SIX5: variants seen among roughly 807,000 people sequenced by gnomAD.
The protein encoded by SIX5 is SIX homeobox 5.
SIX5 carries 21 observed loss-of-function variants against 37.1 expected under a neutral mutation model. The ratio of observed to expected loss-of-function variants is 0.57; its 90% CI spans 0.40 to 0.81. The LOEUF (loss-of-function observed/expected upper bound fraction) is 0.81. Among genes scored for constraint, SIX5 ranks in the 40% least tolerant of loss-of-function variants. The probability of loss-of-function intolerance (pLI) is 0.00; values close to 1 mark genes in which losing one functional copy is unlikely to be tolerated. For missense variants in SIX5, 1,137 were observed against 1,025.1 expected, an observed-to-expected ratio of 1.11 and a Z score of -1.49; for synonymous variants, 626 against 505.9, an observed-to-expected ratio of 1.24 and a Z score of -3.19.
Position 45,768,274 on chromosome 19 carries a change from TC to T in SIX5, c.570del (p.Lys191SerfsTer133). The T allele has an allele frequency of 1.2e-6, 2 of 1,612,654 alleles. No individual in the cohort carries two copies. Among genetic ancestry groups the T allele is most frequent in the Non-Finnish European group, 1.7e-6 (2 of 1,179,592 alleles). ...CAGATGGTCTTGGGCAGCGGGAACT[TC>T]TTGCGCAGTCGATACTTGTCCACTG... ...LGAVDKYRLR[K>X]KFPLPKTIWD... On this transcript the variant is annotated frameshift_variant, in exon 1 of 3. Coordinates refer to ENST00000317578, the MANE Select transcript of SIX5 (RefSeq NM_175875.5). LOFTEE classifies it high-confidence loss of function.
Position 45,767,024 on chromosome 19 carries a change from G to A in SIX5, c.935C>T (p.Pro312Leu), listed in dbSNP as rs1969092100. The change falls in exon 2 of 3, where the codon CCC (proline) becomes CTC (leucine). Residue 312 changes from proline (P) to leucine (L), a missense_variant. Physicochemically the swap from Pro to Leu is moderately conservative, Grantham distance 98. Coordinates refer to ENST00000317578, the MANE Select transcript of SIX5 (RefSeq NM_175875.5). ...GGAGGAGGAAGCCGGGCAAGGCGCG[G>A]GAGGGCCGGTCCCTGCCAGGAATAT... ...GSIFLAGTGP[P>L]APCPASSSIL... 1.2e-6 allele frequency: 2 copies of A among 1,608,852 alleles called. No individual in the cohort carries two copies. The highest frequency in any genetic ancestry group is 1.7e-6 in the Non-Finnish European group (2 of 1,178,998).
In SIX5 at chr19:45,766,690, C is replaced by A. The variant is rs889340468; in HGVS notation, c.1269G>T (p.Gly423=). The A allele has an allele frequency of 6.6e-7, 1 of 1,524,124 alleles. No homozygotes were observed. The highest frequency in any genetic ancestry group is 8.8e-7 in the Non-Finnish European group (1 of 1,135,892). The allele number at this position is 1,524,124 out of a possible 1,614,324, so 94.4% of individuals were successfully genotyped here. A position where few individuals can be genotyped will look rare whatever the true frequency, so the allele number is the denominator to read the frequency against. ...PGPALGEEVL[G]PLAQVVPGPP... Reference sequence around the variant, plus strand: ...GGCCAGGCACCACTTGGGCCAGGGGCCCCAGGACCTCCTCTCCAAGGGCTG... The same window carrying A: ...GGCCAGGCACCACTTGGGCCAGGGGACCCAGGACCTCCTCTCCAAGGGCTG... The change falls in exon 2 of 3, where the codon GGG becomes GGT. Residue 423 remains glycine, a synonymous_variant. Coordinates refer to ENST00000317578, the MANE Select transcript of SIX5 (RefSeq NM_175875.5).
chr19:45,766,055 G>T lies in SIX5; in HGVS notation c.1666C>A (p.Leu556Met), dbSNP rs2014377. 38 of 1,611,076 alleles carry T rather than the reference G, an allele frequency of 2.4e-5. No individual in the cohort carries two copies. The Admixed American group carries it at 3.9e-4, about 16-fold the overall frequency. ...SGSPIVTGVA[L>M]QQGKIILTAT... The stretch of plus-strand genomic sequence containing the variant: ...GTGAGGATGATCTTGCCCTGCTGCA[G>T]GGCCACACCCGTCACGATGGGGCTG... The change falls in exon 3 of 3, where the codon CTG becomes ATG. Residue 556 changes from leucine (L) to methionine (M), a missense_variant. This residue lies in a region of SIX5 where 787 missense variants were observed against 621.4 expected (regional missense o/e 1.27). Coordinates refer to ENST00000317578, the MANE Select transcript of SIX5 (RefSeq NM_175875.5).
In SIX5 at chr19:45,767,119, G is replaced by A; in HGVS notation, c.840C>T (p.Ser280=). Reference sequence around the variant, plus strand: ...TCTCCAGGTCCTCAGGACTTCGGCTGGACTCGTCCTCAGTCGTGGGATTCC... The same window carrying A: ...TCTCCAGGTCCTCAGGACTTCGGCTAGACTCGTCCTCAGTCGTGGGATTCC... ...SDGNPTTEDE[S]SRSPEDLERG... The change falls in exon 2 of 3, where the codon TCC becomes TCT. Residue 280 remains serine, a synonymous_variant. Coordinates refer to ENST00000317578, the MANE Select transcript of SIX5 (RefSeq NM_175875.5). 3 of 1,612,310 alleles carry A rather than the reference G, an allele frequency of 1.9e-6. No homozygotes were observed. Among genetic ancestry groups the A allele is most frequent in the Non-Finnish European group, 2.5e-6 (3 of 1,179,860 alleles).
In SIX5 at chr19:45,768,578, C is replaced by A; in HGVS notation, c.267G>T (p.Glu89Asp). The change falls in exon 1 of 3, where the codon GAG becomes GAT. Residue 89 changes from glutamate to aspartate, a missense_variant. Around this residue, in one of 3 missense-constraint regions of SIX5, gnomAD observed 331 missense variants for 360.9 expected, o/e 0.92. Coordinates refer to ENST00000317578, the MANE Select transcript of SIX5 (RefSeq NM_175875.5). ...GCGCCTCGCAGACGCACGCCACCTG[C>A]TCGGGCGAGAAGCGGAGGCCCGTGG... The part of the protein sequence containing the change: ...EPPTGLRFSP[E>D]QVACVCEALL... 2 of 1,366,852 alleles carry A rather than the reference C, an allele frequency of 1.5e-6. No individual in the cohort carries two copies. Among genetic ancestry groups the A allele is most frequent in the Non-Finnish European group, 1.9e-6 (2 of 1,069,056 alleles). 84.7% of individuals were successfully genotyped at this position (1,366,852 alleles called of 1,614,324 possible). A position where few individuals can be genotyped will look rare whatever the true frequency, so the allele number is the denominator to read the frequency against.
In SIX5 at chr19:45,766,790, G is replaced by A; in HGVS notation, c.1169C>T (p.Thr390Ile). ...AGCCTCCTCCAGCCGCACCTCCCCT[G>A]TCTGAGGGTCCAGGACCAGAGAGGT... The part of the protein sequence containing the change: ...TKTSLVLDPQ[T>I]GEVRLEEAQS... Residue 390 changes from threonine (T) to isoleucine (I), a missense_variant, in exon 2 of 3, where the codon ACA (threonine) becomes ATA (isoleucine). Physicochemically the swap from Thr to Ile is moderately conservative, Grantham distance 89. Coordinates refer to ENST00000317578, the MANE Select transcript of SIX5 (RefSeq NM_175875.5). The A allele has an allele frequency of 1.9e-6, 3 of 1,575,310 alleles. No homozygotes were observed. The highest frequency in any genetic ancestry group is 2.6e-6 in the Non-Finnish European group (3 of 1,163,702).
Position 45,765,315 on chromosome 19 carries a change from G to A in SIX5, c.*186C>T. The A allele has an allele frequency of 2.5e-6, 2 of 788,150 alleles. No homozygotes were observed. The highest frequency in any genetic ancestry group is 4.3e-6 in the Non-Finnish European group (2 of 460,918). The allele number at this position is 788,150 out of a possible 1,614,324, so 48.8% of individuals were successfully genotyped here. A position where few individuals can be genotyped will look rare whatever the true frequency, so the allele number is the denominator to read the frequency against. The stretch of plus-strand genomic sequence containing the variant: ...AGAGGCCTCCCATCCAAAGGGGGAT[G>A]GAGACCTGGACAGGAGGTGGCCGGG... On this transcript the variant is annotated 3_prime_UTR_variant, in exon 3 of 3. Coordinates refer to ENST00000317578, the MANE Select transcript of SIX5 (RefSeq NM_175875.5).
At position 45,765,360 on chromosome 19, in the gene SIX5, C is replaced by T. The variant is rs962374755; in HGVS notation, c.*141G>A. The T allele has an allele frequency of 2.5e-6, 3 of 1,224,270 alleles. No individual in the cohort carries two copies. Among genetic ancestry groups the T allele is most frequent in the Non-Finnish European group, 1.2e-6 (1 of 839,586 alleles). The allele number at this position is 1,224,270 out of a possible 1,614,324, so 75.8% of individuals were successfully genotyped here. A position where few individuals can be genotyped will look rare whatever the true frequency, so the allele number is the denominator to read the frequency against. ...GCCGGGGATACAACCCCCAGCACCACCAGGGCTTGGAGAGGCCACCCAGGC... is the reference window on the plus strand; with the variant it reads ...GCCGGGGATACAACCCCCAGCACCATCAGGGCTTGGAGAGGCCACCCAGGC... On this transcript the variant is annotated 3_prime_UTR_variant, in exon 3 of 3. Transcript: ENST00000317578.
rs993797353 is a variant in SIX5, at chr19:45,765,000, G to A, written c.*501C>T. ...TCTCCCCACAGCTGCCCCACCCCCC[G>A]CCCCTGGCAGGAAATGCCACACTGG... On this transcript the variant is annotated 3_prime_UTR_variant, in exon 3 of 3. Coordinates refer to ENST00000317578, the MANE Select transcript of SIX5 (RefSeq NM_175875.5). The A allele has an allele frequency of 5.8e-5, 12 of 206,024 alleles. No individual in the cohort carries two copies. The highest frequency in any genetic ancestry group is 1.7e-4 in the South Asian group (2 of 11,480). 12.8% of individuals were successfully genotyped at this position (206,024 alleles called of 1,614,324 possible).
Position 45,766,517 on chromosome 19 carries a change from G to C in SIX5, c.1442C>G (p.Thr481Ser). The C allele has an allele frequency of 2.0e-6, 3 of 1,505,470 alleles. No homozygotes were observed. The highest frequency in any genetic ancestry group is 1.8e-6 in the Non-Finnish European group (2 of 1,120,200). 93.3% of individuals were successfully genotyped at this position (1,505,470 alleles called of 1,614,324 possible). Residue 481 changes from threonine to serine, a missense_variant, in exon 2 of 3, where the codon ACC (threonine) becomes AGC (serine). By Grantham distance (58) the Thr-to-Ser change is moderately conservative (BLOSUM62 1). Coordinates refer to ENST00000317578, the MANE Select transcript of SIX5 (RefSeq NM_175875.5). Reference protein sequence around the residue: ...PLLNLPQVVPTSQVVTLPQAV... With the variant: ...PLLNLPQVVPSSQVVTLPQAV... ...CTGGGGCAGGGTCACCACCTGTGAG[G>C]TGGGTACTACCTGGGGCAGGTTCAA...
intron 1 of SIX5, 56 bp from the exon 2 acceptor site, chr19:45,767,211 T>TAGCCAGCCAGCTGCTCCCCCAC: frequency 6.4e-7 from 1 of 1,557,924 alleles, no homozygotes; most frequent in South Asian, 1.1e-5. Context: ...GCCTCCCGCA[T>TAGCCAGCCAGCTGCTCCCCCAC]AGCCAGCCAG....
intron 1 of SIX5, 180 bp downstream of exon 1, chr19:45,767,862 G>A (rs1036897891): frequency 4.9e-6 from 3 of 617,290 alleles, no homozygotes; most frequent in Non-Finnish European, 8.4e-6. Flanking sequence ...GGGCCCGGGC[G>A]GGTGCCTGTC....
intron 1 of SIX5, 191 bp downstream of exon 1, chr19:45,767,851 A>G: frequency 1.7e-6 from 1 of 597,862 alleles, no homozygotes; most frequent in Non-Finnish European, 2.9e-6. Context: ...GTGCGGGGAG[A>G]GGGCCCGGGC....
At position 45,765,889 on chromosome 19, in the gene SIX5, G is replaced by A. The variant is rs772443829; in HGVS notation, c.1832C>T (p.Ala611Val). 6.3e-7 allele frequency: 1 copy of A among 1,592,926 alleles called. No homozygotes were observed. Among genetic ancestry groups the A allele is most frequent in the African/African-American group, 1.3e-5 (1 of 74,794 alleles). Residue 611 changes from alanine to valine, a missense_variant, in exon 3 of 3, where the codon GCT becomes GTT. Transcript: ENST00000317578. The stretch of plus-strand genomic sequence containing the variant: ...TGCAGAAAGGGTGCCTAGGGCGTGA[G>A]CCTCTGGGAGAGCAGGGCTGGGGGC... ...PVAPSPALPE[A>V]HALGTLSAQQ...
chr19:45,768,649 A>G lies in SIX5; in HGVS notation c.196T>C (p.Ser66Pro), dbSNP rs1278715313. 6 of 854,710 alleles carry G rather than the reference A, an allele frequency of 7.0e-6. No individual in the cohort carries two copies. The East Asian group carries it at 5.1e-4, about 72-fold the overall frequency. 52.9% of individuals were successfully genotyped at this position (854,710 alleles called of 1,614,324 possible). A position where few individuals can be genotyped will look rare whatever the true frequency, so the allele number is the denominator to read the frequency against. ...AAAAGAEGPG[S>P]PGVPGSPPEA... The stretch of plus-strand genomic sequence containing the variant: ...GGGGGCGACCCGGGGACGCCCGGGG[A>G]TCCCGGGCCCTCAGCTCCCGCAGCC... Residue 66 changes from serine (S) to proline (P), a missense_variant, in exon 1 of 3, where the codon TCC becomes CCC. Ser to Pro is a moderately conservative substitution (Grantham distance 74). Coordinates refer to ENST00000317578, the MANE Select transcript of SIX5 (RefSeq NM_175875.5).
At position 45,764,878 on chromosome 19, in the gene SIX5, G is replaced by A. The variant is rs771328873; in HGVS notation, c.*623C>T. On this transcript the variant is annotated 3_prime_UTR_variant, in exon 3 of 3. Transcript: ENST00000317578. ...ATTTAGGATACAAAGGAGACACAGCGGCAGGGCTGCCCCCAGGGATGAGGG... is the reference window on the plus strand; with the variant it reads ...ATTTAGGATACAAAGGAGACACAGCAGCAGGGCTGCCCCCAGGGATGAGGG... 13 of 161,792 alleles carry A rather than the reference G, an allele frequency of 8.0e-5. No individual in the cohort carries two copies. The highest frequency in any genetic ancestry group is 1.2e-4 in the Non-Finnish European group (9 of 72,526). The allele number at this position is 161,792 out of a possible 1,614,324, so 10.0% of individuals were successfully genotyped here.
rs1031434417 is a variant in SIX5, at chr19:45,765,245, C to A, written c.*256G>T. ...GGGCCCCTGAGTCAGGACCCTGAGT[C>A]CCCCACGTATATGGCAGGGCACAGC... On this transcript the variant is annotated 3_prime_UTR_variant, in exon 3 of 3. Transcript: ENST00000317578. 4.3e-5 allele frequency: 25 copies of A among 583,732 alleles called. No homozygotes were observed. Among genetic ancestry groups the A allele is most frequent in the Non-Finnish European group, 7.1e-5 (23 of 325,858 alleles). The allele number at this position is 583,732 out of a possible 1,614,324, so 36.2% of individuals were successfully genotyped here.
In SIX5 at chr19:45,765,457, G is replaced by C. The variant is rs7257701; in HGVS notation, c.*44C>G. The C allele has an allele frequency of 4.3e-6, 7 of 1,612,194 alleles. No individual in the cohort carries two copies. In the Admixed American group the frequency reaches 1.2e-4, roughly 27 times the overall value. ...TCCCCCCTCCCATTCCTGTCCCTGC[G>C]TCTTCAGCACCAATGTCGGGAGAGG... On this transcript the variant is annotated 3_prime_UTR_variant, in exon 3 of 3. Transcript: ENST00000317578.
At chr19:45,767,587 G>A (rs1364956140) in intron 1 of SIX5, among the ~76,000 whole-genome samples, 1 of 152,336 alleles carries the variant, frequency 6.6e-6, no homozygotes, top group East Asian at 1.9e-4. Context: ...ACCGGAGCTG[G>A]GAAAGGTTCA....
Sources: gnomAD v4.1 joint callset for allele counts (sites outside exome capture counted in the v4.1 genomes callset) on GRCh38, gnomAD v4.1.1 for gene constraint, gnomAD v4.1.1 regional missense constraint, MANE v1.5 for transcripts, NCBI Gene and HGNC (gene_info 2026-07-23, HGNC 2026-07-21) for gene names.